Variants in BBS9 observed in about 807,000 individuals in gnomAD.
The protein encoded by BBS9 is Bardet-Biedl syndrome 9.
BBS9 carries 89 observed loss-of-function variants against 117.7 expected under a neutral mutation model. The observed-to-expected ratio is 0.76, with a 90% CI of 0.64 to 0.90. The LOEUF (loss-of-function observed/expected upper bound fraction) is 0.90. Among genes scored for constraint, BBS9 ranks in the 40% least tolerant of loss-of-function variants. The pLI is 0.00. For synonymous variants in BBS9, 379 were observed against 370.9 expected (o/e 1.02, Z -0.25); for missense variants, 982 against 1,042.2 (o/e 0.94, Z 0.80).
At chr7:33,495,883 A>T (rs955445535) in intron 19 of BBS9, among the ~76,000 whole-genome samples, 19 of 152,126 alleles carry the variant, frequency 1.2e-4, no homozygotes, top group Non-Finnish European at 7.4e-5. Flanking sequence ...TAAATGATTT[A>T]TTGTCTCTCT....
chr7:33,412,608 C>T (rs17170219), intron 19 of BBS9, among the ~76,000 whole-genome samples: 9,432 of 152,224 alleles, frequency 0.062, 380 homozygotes, highest in South Asian at 0.14. Flanking sequence ...TTTTAACTAT[C>T]AAGTTGTTTT....
At chr7:33,570,144 C>T (rs936384835) in intron 21 of BBS9, among the ~76,000 whole-genome samples, 3 of 152,152 alleles carry the variant, frequency 2.0e-5, no homozygotes, top group African/African-American at 4.8e-5. Context: ...GCACCTTCTT[C>T]TACGTGACAG....
intron 19 of BBS9, among the ~76,000 whole-genome samples, chr7:33,502,873 A>T (rs1276523425): frequency 6.6e-6 from 1 of 152,254 alleles, no homozygotes; most frequent in Non-Finnish European, 1.5e-5. Context: ...GTGCAAAATG[A>T]AAATGAGGGG....
At position 33,534,211 on chromosome 7, in the gene BBS9, G is replaced by A. The variant is rs1563319670; in HGVS notation, c.2521+35G>A. 3.8e-6 allele frequency: 6 copies of A among 1,589,314 alleles called. No homozygotes were observed. In the Admixed American group the frequency reaches 6.8e-5, roughly 18 times the overall value. On this transcript the variant is annotated intron_variant, in intron 21 of 22. Coordinates refer to ENST00000242067, the MANE Select transcript of BBS9 (RefSeq NM_198428.3). ...CTGTCCATGCTCCCTAATCACAATT[G>A]TACTTCTCCTAAATTAGAGGAATGT...
At chr7:33,151,425 C>T (rs933343792) in intron 2 of BBS9, among the ~76,000 whole-genome samples, 1 of 152,072 alleles carries the variant, frequency 6.6e-6, no homozygotes, top group Non-Finnish European at 1.5e-5. Flanking sequence ...GATAGCTTTC[C>T]CAATGCAGGC....
rs117851805 is a variant in BBS9 at position 33,428,329 on chromosome 7, T to G, written c.2115+40185T>G. Among the ~76,000 whole-genome samples, 43 of 152,282 alleles carry G rather than the reference T, an allele frequency of 2.8e-4. No homozygotes were observed. The East Asian group carries it at 7.7e-3, about 27-fold the overall frequency. On this transcript the variant is annotated intron_variant, in intron 19 of 22. Transcript: ENST00000242067. ...GTCAATATGCCGAATTCAAATAGTT[T>G]TAAATATTTTATTGTGCTTTTAAAA... is the stretch of plus-strand genomic sequence containing the variant.
intron 5 of BBS9, among the ~76,000 whole-genome samples, chr7:33,242,693 A>G (rs1211279931): frequency 6.6e-6 from 1 of 152,152 alleles, no homozygotes; most frequent in Non-Finnish European, 1.5e-5. Flanking sequence ...TTTGCAAGCA[A>G]TTAACAAAGA....
chr7:33,176,383 G>T (rs1260525641), intron 4 of BBS9, among the ~76,000 whole-genome samples: 1 of 152,162 alleles, frequency 6.6e-6, no homozygotes, highest in Non-Finnish European at 1.5e-5. Context: ...ACAATACATA[G>T]TACCTGGTTC....
intron 4 of BBS9, among the ~76,000 whole-genome samples, chr7:33,158,544 G>A (rs1794397414): frequency 6.6e-6 from 1 of 152,044 alleles, no homozygotes; most frequent in Non-Finnish European, 1.5e-5. Flanking sequence ...TTTCTCCATA[G>A]TTGCATTATT....
intron 19 of BBS9, among the ~76,000 whole-genome samples, chr7:33,483,145 A>G (rs1259254512): frequency 6.6e-6 from 1 of 152,156 alleles, no homozygotes; most frequent in Non-Finnish European, 1.5e-5. Flanking sequence ...AATGTTTCAT[A>G]AGTGTATCCT....
At chr7:33,572,254 C>T (rs1424588635) in intron 21 of BBS9, among the ~76,000 whole-genome samples, 1 of 152,050 alleles carries the variant, frequency 6.6e-6, no homozygotes, top group Non-Finnish European at 1.5e-5. Context: ...TAGTTCCATC[C>T]ATGTTATTAC....
intron 19 of BBS9, among the ~76,000 whole-genome samples, chr7:33,406,457 G>A (rs2128806883): frequency 6.6e-6 from 1 of 152,054 alleles, no homozygotes; most frequent in South Asian, 2.1e-4. Context: ...AGTGTTATGT[G>A]TGAATTTGAT....
chr7:33,440,020 G>A (rs985486548), intron 19 of BBS9, among the ~76,000 whole-genome samples: 2 of 152,130 alleles, frequency 1.3e-5, no homozygotes, highest in Non-Finnish European at 2.9e-5. Context: ...AATTTGATAT[G>A]AAATAAGGTA....
In BBS9 at chr7:33,444,898, G is replaced by A. The variant is rs141134007; in HGVS notation, c.2115+56754G>A. On this transcript the variant is annotated intron_variant, in intron 19 of 22. Coordinates refer to ENST00000242067, the MANE Select transcript of BBS9 (RefSeq NM_198428.3). ...ACCTTAAAATACAGTTGAAAATTTT[G>A]CGAAAGCTCTTATTTTAGGGCAAGT... Among the ~76,000 whole-genome samples the A allele has an allele frequency of 1.3e-3, 204 of 152,294 alleles. 1 individual carries two copies. Among genetic ancestry groups the A allele is most frequent in the African/African-American group, 4.5e-3 (187 of 41,566 alleles).
chr7:33,146,404 A>C, intron 2 of BBS9, 40 bp downstream of exon 2: 1 of 1,511,788 alleles, frequency 6.6e-7, no homozygotes, highest in Non-Finnish European at 9.2e-7. Context: ...TGAAAGTTTT[A>C]AAGAGATCAA....
In BBS9 at chr7:33,388,157, T is replaced by C. The variant is rs754302555; in HGVS notation, c.2115+13T>C. On this transcript the variant is annotated intron_variant, in intron 19 of 22. Transcript: ENST00000242067. ...AACCTACAAGCAGGTCAGTATAATATCAGTAACAGTTTTCTATTACTGGCT... is the reference window on the plus strand; with the variant it reads ...AACCTACAAGCAGGTCAGTATAATACCAGTAACAGTTTTCTATTACTGGCT... 4 of 1,613,588 alleles carry C rather than the reference T, an allele frequency of 2.5e-6. No individual in the cohort carries two copies. The Admixed American group carries it at 6.7e-5, about 27-fold the overall frequency.
At chr7:33,333,195 G>T (rs1409110065) in intron 9 of BBS9, among the ~76,000 whole-genome samples, 2 of 152,028 alleles carry the variant, frequency 1.3e-5, no homozygotes, top group East Asian at 3.9e-4. Context: ...ATAGCCTTTT[G>T]TCCCTCACCC....
intron 5 of BBS9, among the ~76,000 whole-genome samples, chr7:33,238,589 C>T (rs887966899): frequency 2.0e-5 from 3 of 152,006 alleles, no homozygotes; most frequent in East Asian, 1.9e-4. Flanking sequence ...ACAACATGAC[C>T]GACCCTTGTT....
In BBS9 at chr7:33,407,657, G is replaced by C. The variant is rs184542365; in HGVS notation, c.2115+19513G>C. 0.02 allele frequency among the ~76,000 whole-genome samples: 3,004 copies of C among 152,320 alleles called. 204 individuals carry two copies. The East Asian group carries it at 0.26, about 13-fold the overall frequency. On this transcript the variant is annotated intron_variant, in intron 19 of 22. Transcript: ENST00000242067. ...TTGTTTGTTTTCCTTCTAACAGACA[G>C]GACCCTCAGCTGCAGGTCTGTTGGA...
Sources: gnomAD v4.1 joint callset for allele counts (sites outside exome capture counted in the v4.1 genomes callset) on GRCh38, gnomAD v4.1.1 for gene constraint, MANE v1.5 for transcripts, NCBI Gene and HGNC (gene_info 2026-07-23, HGNC 2026-07-21) for gene names.